The following SHPRH variants were observed in gnomAD, a reference collection of about 807,000 sequenced individuals.
SHPRH encodes the protein E3 ubiquitin-protein ligase SHPRH.
SHPRH carries 106 observed loss-of-function variants against 202.5 expected under a neutral mutation model. The ratio of observed to expected loss-of-function variants is 0.52; its 90% CI spans 0.45 to 0.62. The LOEUF is 0.62. Ranked by LOEUF, SHPRH falls within the 20% of genes least tolerant of loss-of-function variation. SHPRH has a pLI of 0.00. For synonymous variants in SHPRH, 729 were observed against 686.0 expected, an observed-to-expected ratio of 1.06 and a Z score of -0.98; for missense variants, 1,710 against 2,020.0, an observed-to-expected ratio of 0.85 and a Z score of 2.94.
chr6:145,917,773 A>G, intron 23 of SHPRH: 1 of 162,060 alleles, frequency 6.2e-6, no homozygotes. Flanking sequence ...AGTTTCAAAT[A>G]ACAAATTACA....
chr6:145,864,882 G>A (rs1779701482), intron 2 of SHPRH, among the ~76,000 whole-genome samples: 1 of 150,898 alleles, frequency 6.6e-6, no homozygotes, highest in Non-Finnish European at 1.5e-5. Context: ...TTTTGCTAAT[G>A]TTCTTCTTTC....
At chr6:145,882,674 G>C (rs1308982160), downstream of SHPRH, among the ~76,000 whole-genome samples, 4 of 152,180 alleles carry the variant, frequency 2.6e-5, no homozygotes, top group Admixed American at 2.0e-4. Flanking sequence ...AAAATAACTG[G>C]AGATAGCAGT....
At chr6:145,866,524 T>C (rs1219875077) in intron 2 of SHPRH, among the ~76,000 whole-genome samples, 1 of 152,142 alleles carries the variant, frequency 6.6e-6, no homozygotes, top group Non-Finnish European at 1.5e-5. Flanking sequence ...AAAGTGCTCT[T>C]TATGATAAAA....
chr6:145,953,237 C>A (rs1788163362), intron 2 of SHPRH, among the ~76,000 whole-genome samples: 1 of 152,078 alleles, frequency 6.6e-6, no homozygotes, highest in Non-Finnish European at 1.5e-5. Context: ...GAACAGGAAT[C>A]CACCAGCCTT....
At chr6:145,878,337 C>T (rs757798814) in intron 2 of SHPRH, among the ~76,000 whole-genome samples, 19 of 152,124 alleles carry the variant, frequency 1.2e-4, no homozygotes, top group Non-Finnish European at 2.4e-4. Flanking sequence ...TATTAGGGTC[C>T]ATTTTTGGTG....
At chr6:145,876,449 T>C (rs1780308871) in intron 2 of SHPRH, among the ~76,000 whole-genome samples, 1 of 152,232 alleles carries the variant, frequency 6.6e-6, no homozygotes, top group African/African-American at 2.4e-5. Flanking sequence ...GACTGCTTTT[T>C]TTCACTTAGC....
chr6:145,881,756 A>C (rs1393592212), downstream of SHPRH: 1 of 152,148 alleles, frequency 6.6e-6, no homozygotes, highest in Admixed American at 6.5e-5. Context: ...CAGTTTCAAA[A>C]CCAAGGAGGA....
intron 2 of SHPRH, among the ~76,000 whole-genome samples, chr6:145,878,693 T>C (rs1007794582): frequency 2.0e-5 from 3 of 152,332 alleles, no homozygotes; most frequent in Non-Finnish European, 2.9e-5. Context: ...TTTTGTCTAC[T>C]ATGAGAAAAA....
At chr6:145,861,106 T>TA (rs1393994609), downstream of SHPRH, among the ~76,000 whole-genome samples, 1 of 151,412 alleles carries the variant, frequency 6.6e-6, no homozygotes, top group Non-Finnish European at 1.5e-5. Context: ...AAAACACAGG[T>TA]AAAAAACAAA....
At chr6:145,867,639 G>T (rs1255053411) in intron 2 of SHPRH, among the ~76,000 whole-genome samples, 1,137 of 83,176 alleles carry the variant, frequency 0.014, 1 homozygote, top group East Asian at 0.027. Context: ...TATAGAGAGA[G>T]AGAGAGAGAG....
chr6:145,931,835 T>G (rs1785485554), intron 14 of SHPRH, among the ~76,000 whole-genome samples: 1 of 152,036 alleles, frequency 6.6e-6, no homozygotes, highest in African/African-American at 2.4e-5. Context: ...ACAGACTTTG[T>G]ATCATTGCTT....
intron 2 of SHPRH, among the ~76,000 whole-genome samples, chr6:145,874,694 T>A (rs1780221846): frequency 6.6e-6 from 1 of 152,206 alleles, no homozygotes; most frequent in East Asian, 1.9e-4. Context: ...TTTTCATCTG[T>A]AAATTTTCAA....
chr6:145,859,238 C>A, the SHPRH span, among the ~76,000 whole-genome samples: 1 of 151,942 alleles, frequency 6.6e-6, no homozygotes, highest in Admixed American at 6.6e-5. Flanking sequence ...TGCAATCTCA[C>A]CCAATTAACC....
At chr6:145,908,363 T>C (rs1783163278) in intron 25 of SHPRH, 1 of 152,210 alleles carries the variant, frequency 6.6e-6, no homozygotes, top group South Asian at 2.1e-4. Flanking sequence ...ATGGTTGCAC[T>C]AATTTATATT....
intron 14 of SHPRH, 32 bp downstream of exon 14, chr6:145,933,025 A>G (rs932501565): frequency 3.6e-5 from 57 of 1,599,128 alleles, no homozygotes; most frequent in Non-Finnish European, 4.8e-5. Flanking sequence ...GAAGTGTTTG[A>G]AAGAATCAGA....
At chr6:145,896,673 G>A (rs1340768047) in intron 25 of SHPRH, among the ~76,000 whole-genome samples, 4 of 151,828 alleles carry the variant, frequency 2.6e-5, no homozygotes, top group Admixed American at 6.6e-5. Flanking sequence ...AAACAAGTCC[G>A]AAATCAAGAC....
chr6:145,858,849 AT>A, the SHPRH span, among the ~76,000 whole-genome samples: 3 of 152,026 alleles, frequency 2.0e-5, no homozygotes, highest in Non-Finnish European at 4.4e-5. Context: ...TGAAAGAATA[AT>A]CTGGCATACT....
At chr6:145,947,091 T>G (rs961123233) in intron 6 of SHPRH, among the ~76,000 whole-genome samples, 1 of 152,090 alleles carries the variant, frequency 6.6e-6, no homozygotes, top group African/African-American at 2.4e-5. Flanking sequence ...TTAACAAAGT[T>G]CTAATTATTT....
intron 2 of SHPRH, 60 bp from the exon 3 acceptor site, chr6:145,952,538 G>A (rs1788085227): frequency 6.8e-7 from 1 of 1,478,460 alleles, no homozygotes; most frequent in African/African-American, 1.4e-5. Context: ...TCTTTATGAG[G>A]ACATAAGCAA....
Sources: gnomAD v4.1 joint callset for allele counts (sites outside exome capture counted in the v4.1 genomes callset) on GRCh38, gnomAD v4.1.1 for gene constraint, MANE v1.5 for transcripts, NCBI Gene and HGNC (gene_info 2026-07-23, HGNC 2026-07-21) for gene names.